Variants in EPB41L5 observed in about 807,000 individuals in gnomAD.
EPB41L5 encodes the protein erythrocyte membrane protein band 4.1 like 5, also known as band 4.1-like protein 5.
In EPB41L5, 55 loss-of-function variants were observed where a neutral mutation model predicts 106.6. That is an observed-to-expected ratio of 0.52 (90% CI 0.42 to 0.65). EPB41L5 has a LOEUF of 0.65. Among genes scored for constraint, EPB41L5 ranks in the 30% least tolerant of loss-of-function variants. The pLI, the probability that EPB41L5 is intolerant of heterozygous loss-of-function variation, is 0.00. For missense variants in EPB41L5, 871 were observed against 882.1 expected, an observed-to-expected ratio of 0.99 and a Z score of 0.16; for synonymous variants, 297 against 306.7, an observed-to-expected ratio of 0.97 and a Z score of 0.33.
intron 7 of EPB41L5, 145 bp downstream of exon 7, chr2:120,075,898 T>C (rs1682200884): frequency 4.5e-6 from 3 of 672,388 alleles, no homozygotes; most frequent in Non-Finnish European, 7.7e-6. Flanking sequence ...CTCTGACTTT[T>C]ACTTGTTTTA....
At chr2:120,154,907 C>T (rs1206710378) in intron 20 of EPB41L5, among the ~76,000 whole-genome samples, 1 of 151,704 alleles carries the variant, frequency 6.6e-6, no homozygotes, top group African/African-American at 2.4e-5. Flanking sequence ...GCCTGGGCGA[C>T]AGAGCAAGAC....
intron 3 of EPB41L5, among the ~76,000 whole-genome samples, chr2:120,063,340 C>CA (rs1174086865): frequency 0.036 from 2,027 of 55,712 alleles, 34 homozygotes; most frequent in African/African-American, 0.074. Context: ...GACTTTGTCT[C>CA]AAAAAAAAAA....
rs760338322 is a variant in EPB41L5 at position 120,019,220 on chromosome 2, C to T, written c.136C>T (p.Arg46Trp). 4.3e-5 allele frequency: 69 copies of T among 1,613,776 alleles called. No homozygotes were observed. The highest frequency in any genetic ancestry group is 5.7e-5 in the Non-Finnish European group (67 of 1,180,004). The change falls in exon 2 of 25, where the codon CGG becomes TGG. Residue 46 changes from arginine to tryptophan, a missense_variant. Coordinates refer to ENST00000263713, the MANE Select transcript of EPB41L5 (RefSeq NM_020909.4). ...AGATTCTAAGTCCATCATCACGTGT[C>T]GGGTGTCCCTTCTGGATGGTACTGA... ...AGDSKSIITC[R>W]VSLLDGTDVS...
chr2:120,059,641 G>A (rs769395320), intron 3 of EPB41L5, among the ~76,000 whole-genome samples: 3 of 152,102 alleles, frequency 2.0e-5, no homozygotes, highest in Non-Finnish European at 4.4e-5. Flanking sequence ...AGTGGCTCAC[G>A]CCTCTAATCT....
chr2:120,161,752 A>T (rs1687148282), intron 21 of EPB41L5, among the ~76,000 whole-genome samples: 1 of 151,878 alleles, frequency 6.6e-6, no homozygotes. Context: ...CCTGAGTTCC[A>T]CCTCCTCTCA....
chr2:120,099,515 C>T (rs1245147358), intron 14 of EPB41L5, among the ~76,000 whole-genome samples: 5 of 151,968 alleles, frequency 3.3e-5, no homozygotes, highest in South Asian at 4.2e-4. Flanking sequence ...GCAAGCTCCA[C>T]CTCCTGGGTT....
intron 1 of EPB41L5, among the ~76,000 whole-genome samples, chr2:120,018,121 C>T (rs1025834739): frequency 7.9e-5 from 12 of 152,050 alleles, no homozygotes; most frequent in African/African-American, 1.9e-4. Flanking sequence ...CTACCACGCC[C>T]GGCTAATTTT....
At chr2:120,050,874 AC>A (rs1285568752) in intron 3 of EPB41L5, among the ~76,000 whole-genome samples, 1 of 152,154 alleles carries the variant, frequency 6.6e-6, no homozygotes, top group East Asian at 1.9e-4. Flanking sequence ...TTTCCTTCTA[AC>A]AGTCAGGTCC....
chr2:120,151,976 G>A (rs767048970), intron 20 of EPB41L5, among the ~76,000 whole-genome samples: 14 of 152,126 alleles, frequency 9.2e-5, no homozygotes, highest in South Asian at 2.1e-4. Flanking sequence ...TGTGAATAGC[G>A]ATAGTTTTAC....
intron 16 of EPB41L5, among the ~76,000 whole-genome samples, chr2:120,117,585 G>GGAT (rs1685008707): frequency 6.6e-6 from 1 of 152,018 alleles, no homozygotes; most frequent in African/African-American, 2.4e-5. Flanking sequence ...AGAAAGACTG[G>GGAT]GATTTTTGCC....
chr2:120,064,799 T>A (rs1485311030), intron 3 of EPB41L5, among the ~76,000 whole-genome samples: 1 of 152,186 alleles, frequency 6.6e-6, no homozygotes, highest in Admixed American at 6.5e-5. Context: ...AAGACCCTGA[T>A]TCAAGGAAAA....
intron 3 of EPB41L5, among the ~76,000 whole-genome samples, chr2:120,055,654 T>G (rs1680603571): frequency 6.6e-6 from 1 of 151,952 alleles, no homozygotes; most frequent in Non-Finnish European, 1.5e-5. Flanking sequence ...ATAGTTTAAG[T>G]TTATAGAAGT....
intron 13 of EPB41L5, 32 bp downstream of exon 13, chr2:120,091,693 T>A: frequency 3.3e-6 from 5 of 1,531,966 alleles, no homozygotes; most frequent in Non-Finnish European, 4.5e-6. Flanking sequence ...AAGGATTATT[T>A]TTCCTTGGCA....
intron 20 of EPB41L5, among the ~76,000 whole-genome samples, chr2:120,153,930 TAAA>T (rs1441538974): frequency 1.3e-5 from 2 of 152,144 alleles, no homozygotes; most frequent in African/African-American, 4.8e-5. Flanking sequence ...TGGATCATTT[TAAA>T]AAATTCTTTC....
chr2:120,084,448 T>C (rs551921819), intron 10 of EPB41L5, among the ~76,000 whole-genome samples: 3 of 152,346 alleles, frequency 2.0e-5, no homozygotes, highest in Admixed American at 1.3e-4. Context: ...TGTTGAGTAT[T>C]GGCCCCTAGT....
intron 20 of EPB41L5, among the ~76,000 whole-genome samples, chr2:120,156,548 A>G (rs1272099085): frequency 6.6e-6 from 1 of 152,156 alleles, no homozygotes; most frequent in African/African-American, 2.4e-5. Flanking sequence ...CCCGTGTCCC[A>G]TCAACTGCCA....
At chr2:120,115,732 G>T (rs1684919578) in intron 16 of EPB41L5, among the ~76,000 whole-genome samples, 2 of 151,888 alleles carry the variant, frequency 1.3e-5, no homozygotes, top group African/African-American at 4.8e-5. Context: ...TTACCCTGGG[G>T]ATTATAATTA....
intron 1 of EPB41L5, among the ~76,000 whole-genome samples, chr2:120,016,329 C>T (rs1677524841): frequency 6.6e-6 from 1 of 151,922 alleles, no homozygotes; most frequent in African/African-American, 2.4e-5. Flanking sequence ...ACTCAGGAGG[C>T]CAAGGCAAGA....
intron 18 of EPB41L5, among the ~76,000 whole-genome samples, chr2:120,139,773 A>C (rs898198424): frequency 1.3e-5 from 2 of 151,904 alleles, no homozygotes; most frequent in Non-Finnish European, 2.9e-5. Context: ...TCAAAAACCC[A>C]AAAATGGAAC....
Sources: gnomAD v4.1 joint callset for allele counts (sites outside exome capture counted in the v4.1 genomes callset) on GRCh38, gnomAD v4.1.1 for gene constraint, MANE v1.5 for transcripts, NCBI Gene and HGNC (gene_info 2026-07-23, HGNC 2026-07-21) for gene names.